Variants in TBC1D23 observed in about 807,000 individuals in gnomAD.
TBC1D23 encodes the protein TBC1 domain family member 23.
In TBC1D23, 55 loss-of-function variants were observed where a neutral mutation model predicts 91.4. The ratio of observed to expected loss-of-function variants is 0.60; its 90% CI spans 0.48 to 0.75. TBC1D23 has a LOEUF of 0.75. Ranked by LOEUF, TBC1D23 falls within the 30% of genes least tolerant of loss-of-function variation. TBC1D23 has a pLI of 0.00. For missense variants in TBC1D23, 725 were observed against 836.1 expected (o/e 0.87, Z 1.64); for synonymous variants, 289 against 281.0 (o/e 1.03, Z -0.28).
Position 100,297,571 on chromosome 3 carries a change from CATTT to C in TBC1D23, c.877-349_877-346del, listed in dbSNP as rs139363017. Among the ~76,000 whole-genome samples the C allele has an allele frequency of 4.0e-3, 609 of 152,174 alleles. 6 individuals are homozygous for C. Among genetic ancestry groups the C allele is most frequent in the African/African-American group, 0.014 (596 of 41,526 alleles). ...CAGGCTGTGGATCAGTATTTTAACT[CATTT>C]ATGCAATAGATTTCTGCCACATATT... On this transcript the variant is annotated intron_variant, in intron 8 of 18. Transcript: ENST00000394144.
intron 10 of TBC1D23, among the ~76,000 whole-genome samples, chr3:100,300,237 C>T (rs1413685459): frequency 6.6e-6 from 1 of 152,118 alleles, no homozygotes; most frequent in East Asian, 1.9e-4. Context: ...ATGGGGAACA[C>T]AGGAATGGGA....
chr3:100,305,529 T>C (rs1271245264), intron 12 of TBC1D23, among the ~76,000 whole-genome samples: 1 of 152,050 alleles, frequency 6.6e-6, no homozygotes, highest in Non-Finnish European at 1.5e-5. Flanking sequence ...CTGGGGAAAA[T>C]TAATGATCAA....
At chr3:100,287,086 T>C (rs2067750241) in intron 4 of TBC1D23, among the ~76,000 whole-genome samples, 1 of 152,136 alleles carries the variant, frequency 6.6e-6, no homozygotes, top group African/African-American at 2.4e-5. Flanking sequence ...GTGCTGAGAT[T>C]ACAGGTGCAA....
chr3:100,296,792 G>A (rs1457940989), intron 8 of TBC1D23, among the ~76,000 whole-genome samples: 8 of 151,464 alleles, frequency 5.3e-5, no homozygotes, highest in East Asian at 2.0e-4. Context: ...CCCAGGAGGC[G>A]GAGTTTGCAG....
intron 18 of TBC1D23, 59 bp downstream of exon 18, chr3:100,321,030 T>A (rs1240053995): frequency 1.6e-6 from 2 of 1,282,260 alleles, no homozygotes; most frequent in Non-Finnish European, 2.2e-6. Flanking sequence ...ATTACTGTAG[T>A]TCACTATAAA....
chr3:100,261,009 G>T lies in TBC1D23; in HGVS notation c.-10G>T. The T allele has an allele frequency of 6.2e-7, 1 of 1,613,512 alleles. No individual in the cohort carries two copies. The highest frequency in any genetic ancestry group is 2.2e-5 in the East Asian group (1 of 44,872). On this transcript the variant is annotated 5_prime_UTR_variant, in exon 1 of 19. Transcript: ENST00000394144. ...CACTTTTCGGCAAAGTGACGTGGAC[G>T]TCAACAGCAATGGCGGAAGGAGAAG...
chr3:100,306,367 C>A (rs550857477), intron 12 of TBC1D23, 70 bp from the exon 13 acceptor site: 119 of 817,784 alleles, frequency 1.5e-4, no homozygotes, highest in Middle Eastern at 2.3e-4. Context: ...TATTGTATTT[C>A]GTTGGTAATG....
intron 1 of TBC1D23, chr3:100,267,207 C>T (rs1420112682): frequency 2.2e-6 from 1 of 446,436 alleles, no homozygotes; most frequent in Admixed American, 2.4e-5. Context: ...AGGGGCAGGG[C>T]TTGAAATGAG....
At chr3:100,313,850 T>G (rs1044066698) in intron 15 of TBC1D23, among the ~76,000 whole-genome samples, 1 of 152,122 alleles carries the variant, frequency 6.6e-6, no homozygotes, top group Non-Finnish European at 1.5e-5. Context: ...GCATCCAAAT[T>G]ATATCATTTT....
In TBC1D23 at chr3:100,299,391, T is replaced by C. The variant is rs112197014; in HGVS notation, c.1092+60T>C. The C allele has an allele frequency of 2.2e-4, 231 of 1,038,412 alleles. 1 individual carries two copies. The African/African-American group carries it at 2.9e-3, about 13-fold the overall frequency. The allele number at this position is 1,038,412 out of a possible 1,614,324, so 64.3% of individuals were successfully genotyped here. On this transcript the variant is annotated intron_variant, in intron 10 of 18. Coordinates refer to ENST00000394144, the MANE Select transcript of TBC1D23 (RefSeq NM_001199198.3). Reference sequence around the variant, plus strand: ...AACTTTTTTTCCTTCAGTTCATAAATAAATATATAGGTCCCAGATTGGGGA... The same window carrying C: ...AACTTTTTTTCCTTCAGTTCATAAACAAATATATAGGTCCCAGATTGGGGA...
chr3:100,282,844 G>A (rs901319081), intron 3 of TBC1D23, among the ~76,000 whole-genome samples: 2 of 152,134 alleles, frequency 1.3e-5, no homozygotes, highest in African/African-American at 2.4e-5. Context: ...TGCTTCCCAG[G>A]AATATGGGCT....
At chr3:100,313,655 C>G (rs561611945) in intron 15 of TBC1D23, among the ~76,000 whole-genome samples, 1 of 152,102 alleles carries the variant, frequency 6.6e-6, no homozygotes, top group African/African-American at 2.4e-5. Flanking sequence ...AATGCTTATT[C>G]GCTGTAAACA....
chr3:100,269,440 G>A (rs1576156969), intron 1 of TBC1D23, among the ~76,000 whole-genome samples: 1 of 152,180 alleles, frequency 6.6e-6, no homozygotes. Flanking sequence ...CACAAATCTA[G>A]ATAACTTCAC....
At chr3:100,304,058 C>G (rs1302975432) in intron 11 of TBC1D23, among the ~76,000 whole-genome samples, 1 of 152,084 alleles carries the variant, frequency 6.6e-6, no homozygotes, top group African/African-American at 2.4e-5. Flanking sequence ...TTCCTAAGAT[C>G]TAAAACAAGA....
chr3:100,300,494 AT>A, intron 10 of TBC1D23, among the ~76,000 whole-genome samples: 1 of 141,942 alleles, frequency 7.0e-6, no homozygotes, highest in East Asian at 2.1e-4. Context: ...GAATACTTGA[AT>A]TAATTTTTTT....
chr3:100,319,055 T>C lies in TBC1D23; in HGVS notation c.1688-14T>C. 2.0e-6 allele frequency: 3 copies of C among 1,504,392 alleles called. No homozygotes were observed. The highest frequency in any genetic ancestry group is 2.7e-6 in the Non-Finnish European group (3 of 1,098,768). The allele number at this position is 1,504,392 out of a possible 1,614,324, so 93.2% of individuals were successfully genotyped here. A position where few individuals can be genotyped will look rare whatever the true frequency, so the allele number is the denominator to read the frequency against. ...TTGGTAATATCCATATTTAATACTT[T>C]GTATTTTTTATAGATGAAATTGACA... On this transcript the variant is annotated splice_polypyrimidine_tract_variant and intron_variant, in intron 16 of 18. Transcript: ENST00000394144.
At chr3:100,290,841 T>C (rs1043879718) in intron 5 of TBC1D23, 140 bp downstream of exon 5, 8 of 642,172 alleles carry the variant, frequency 1.2e-5, no homozygotes, top group Middle Eastern at 4.8e-4. Flanking sequence ...GGTAAAATTA[T>C]TGGCATTTCA....
At chr3:100,310,904 T>C (rs535174866) in intron 14 of TBC1D23, among the ~76,000 whole-genome samples, 2 of 152,172 alleles carry the variant, frequency 1.3e-5, no homozygotes. Flanking sequence ...CTTCTTCTGC[T>C]CCAAGATTTT....
chr3:100,277,043 C>A (rs2067654120), intron 1 of TBC1D23, among the ~76,000 whole-genome samples: 1 of 152,176 alleles, frequency 6.6e-6, no homozygotes, highest in Non-Finnish European at 1.5e-5. Flanking sequence ...TGCTGGTAAT[C>A]AAAGAAGACT....
Sources: gnomAD v4.1 joint callset for allele counts (sites outside exome capture counted in the v4.1 genomes callset) on GRCh38, gnomAD v4.1.1 for gene constraint, MANE v1.5 for transcripts, NCBI Gene and HGNC (gene_info 2026-07-23, HGNC 2026-07-21) for gene names.